CDC42BPA: variants seen among roughly 807,000 people sequenced by gnomAD.
CDC42BPA encodes CDC42 binding protein kinase alpha.
Under a neutral mutation model 223.5 loss-of-function variants are expected in CDC42BPA, and 80 were observed. That is an observed-to-expected ratio of 0.36 (90% CI 0.30 to 0.43). The LOEUF (loss-of-function observed/expected upper bound fraction) is 0.43. Among genes scored for constraint, CDC42BPA ranks in the 20% least tolerant of loss-of-function variants. CDC42BPA has a pLI of 1.00. For synonymous variants in CDC42BPA, 694 were observed against 718.6 expected (o/e 0.97, Z 0.55); for missense variants, 1,743 against 2,099.9 (o/e 0.83, Z 3.32).
intron 1 of CDC42BPA, among the ~76,000 whole-genome samples, chr1:227,271,620 T>C (rs1685969133): frequency 6.6e-6 from 1 of 152,158 alleles, no homozygotes; most frequent in African/African-American, 2.4e-5. Flanking sequence ...TTGCCTCCTA[T>C]AAATAAGACT....
At chr1:227,162,078 C>T (rs1664009885) in intron 5 of CDC42BPA, among the ~76,000 whole-genome samples, 2 of 152,064 alleles carry the variant, frequency 1.3e-5, no homozygotes, top group African/African-American at 2.4e-5. Flanking sequence ...TTAAGCTATA[C>T]AGTCACTACG....
At chr1:227,033,011 A>AT (rs1433401852) in intron 27 of CDC42BPA, among the ~76,000 whole-genome samples, 1 of 152,098 alleles carries the variant, frequency 6.6e-6, no homozygotes, top group Non-Finnish European at 1.5e-5. Context: ...AGACATTTTT[A>AT]TTTTTTTAAA....
chr1:227,281,496 G>C (rs1010329586), intron 1 of CDC42BPA, among the ~76,000 whole-genome samples: 1 of 152,126 alleles, frequency 6.6e-6, no homozygotes, highest in Non-Finnish European at 1.5e-5. Context: ...GTAGACATGA[G>C]GCCCTCAAAA....
chr1:227,271,150 G>A (rs980909049), intron 1 of CDC42BPA, among the ~76,000 whole-genome samples: 2 of 152,038 alleles, frequency 1.3e-5, no homozygotes, highest in African/African-American at 4.8e-5. Flanking sequence ...TGCATAAAAT[G>A]GCTCAATAAA....
At chr1:227,049,222 G>A (rs1456198049) in intron 22 of CDC42BPA, among the ~76,000 whole-genome samples, 1 of 151,444 alleles carries the variant, frequency 6.6e-6, no homozygotes, top group Non-Finnish European at 1.5e-5. Flanking sequence ...AAGTCCAAAG[G>A]TTATTAGAAT....
At chr1:227,019,644 A>G (rs1399705120) in intron 32 of CDC42BPA, among the ~76,000 whole-genome samples, 1 of 151,936 alleles carries the variant, frequency 6.6e-6, no homozygotes, top group Non-Finnish European at 1.5e-5. Context: ...TCCTTTATCC[A>G]TGGGCTACAG....
chr1:227,081,666 C>T (rs1459727812), intron 16 of CDC42BPA, among the ~76,000 whole-genome samples: 1 of 152,012 alleles, frequency 6.6e-6, no homozygotes, highest in Non-Finnish European at 1.5e-5. Context: ...GTTGGTCAGG[C>T]TGGTCTCAAA....
At chr1:227,251,410 GCAAAA>G (rs1681983972) in intron 2 of CDC42BPA, among the ~76,000 whole-genome samples, 1 of 151,944 alleles carries the variant, frequency 6.6e-6, no homozygotes, top group Non-Finnish European at 1.5e-5. Flanking sequence ...CACAAAATGA[GCAAAA>G]CAAATATAAA....
chr1:226,991,614 CAA>C lies in CDC42BPA; in HGVS notation c.*2652_*2653del, dbSNP rs1172685307. ...TTACTTGCCATTGCAGTGGAAAAATCAAAGAGTGCCATGGTGCAATCCATGGG... is the reference window on the plus strand; with the variant it reads ...TTACTTGCCATTGCAGTGGAAAAATCAGAGTGCCATGGTGCAATCCATGGG... On this transcript the variant is annotated 3_prime_UTR_variant, in exon 37 of 37. Transcript: ENST00000366766. 2 of 152,072 alleles carry C rather than the reference CAA, an allele frequency of 1.3e-5. No homozygotes were observed. Among genetic ancestry groups the C allele is most frequent in the African/African-American group, 2.4e-5 (1 of 41,406 alleles). 9.4% of individuals were successfully genotyped at this position (152,072 alleles called of 1,614,324 possible). A position where few individuals can be genotyped will look rare whatever the true frequency, so the allele number is the denominator to read the frequency against.
chr1:227,297,967 T>TATATATATACACACAC (rs369403944), intron 1 of CDC42BPA, among the ~76,000 whole-genome samples: 6 of 132,082 alleles, frequency 4.5e-5, no homozygotes, highest in African/African-American at 1.8e-4. Context: ...TATATACATA[T>TATATATATACACACAC]ACACACACAC....
chr1:227,243,222 G>C (rs1370566151), intron 2 of CDC42BPA, among the ~76,000 whole-genome samples: 4 of 151,896 alleles, frequency 2.6e-5, no homozygotes, highest in African/African-American at 9.7e-5. Context: ...TAACTGATGG[G>C]TACTGAGCTT....
intron 16 of CDC42BPA, among the ~76,000 whole-genome samples, chr1:227,086,718 G>A (rs372220230): frequency 2.7e-5 from 4 of 148,544 alleles, no homozygotes; most frequent in African/African-American, 9.9e-5. Context: ...GTCAAACTCT[G>A]GGTAGTGGTG....
At chr1:227,249,756 T>C (rs1176559405) in intron 2 of CDC42BPA, among the ~76,000 whole-genome samples, 1 of 152,124 alleles carries the variant, frequency 6.6e-6, no homozygotes, top group African/African-American at 2.4e-5. Flanking sequence ...AGGTATCATC[T>C]CACCCCAGTT....
At chr1:227,123,672 G>C (rs1271899498) in intron 11 of CDC42BPA, among the ~76,000 whole-genome samples, 1 of 152,240 alleles carries the variant, frequency 6.6e-6, no homozygotes, top group African/African-American at 2.4e-5. Context: ...ACTAGACCCA[G>C]TGGGAGGTTG....
chr1:227,103,538 C>T (rs1292641280), intron 14 of CDC42BPA, among the ~76,000 whole-genome samples: 1 of 152,022 alleles, frequency 6.6e-6, no homozygotes, highest in Non-Finnish European at 1.5e-5. Context: ...AGACATGTTT[C>T]TACTCCGTGG....
intron 12 of CDC42BPA, among the ~76,000 whole-genome samples, chr1:227,116,441 T>G (rs1687788465): frequency 6.6e-6 from 1 of 152,168 alleles, no homozygotes; most frequent in African/African-American, 2.4e-5. Context: ...TATTAAAAAC[T>G]TACAGCAAAC....
chr1:227,261,063 T>C (rs1408149834), intron 1 of CDC42BPA, among the ~76,000 whole-genome samples: 1 of 150,874 alleles, frequency 6.6e-6, no homozygotes, highest in Non-Finnish European at 1.5e-5. Context: ...AACAGTATTA[T>C]TCACCTTTAA....
At position 227,139,689 on chromosome 1, in the gene CDC42BPA, T is replaced by G. The variant is rs376300581; in HGVS notation, c.1277A>C (p.Asp426Ala). 1.5e-5 allele frequency: 24 copies of G among 1,607,422 alleles called. No homozygotes were observed. Among genetic ancestry groups the G allele is most frequent in the Non-Finnish European group, 1.8e-5 (21 of 1,177,322 alleles). Residue 426 changes from aspartate to alanine, a missense_variant, in exon 10 of 37, where the codon GAT (aspartate) becomes GCT (alanine). Asp to Ala is a moderately radical substitution (Grantham distance 126). Transcript: ENST00000366766. The stretch of plus-strand genomic sequence containing the variant: ...AGTCCTCTGAACATTAACATCAAGA[T>G]CCAGTGAGGTGGGACCAGCCGTAAC... ...LRVTAGPTSL[D>A]LDVNVQRTLD...
chr1:227,038,449 G>A (rs1670745337), intron 24 of CDC42BPA, among the ~76,000 whole-genome samples: 1 of 152,222 alleles, frequency 6.6e-6, no homozygotes, highest in Non-Finnish European at 1.5e-5. Flanking sequence ...GGGATAAGAT[G>A]ATGTCAAAGA....
Sources: gnomAD v4.1 joint callset for allele counts (sites outside exome capture counted in the v4.1 genomes callset) on GRCh38, gnomAD v4.1.1 for gene constraint, MANE v1.5 for transcripts, NCBI Gene and HGNC (gene_info 2026-07-23, HGNC 2026-07-21) for gene names.